Variants in DLG2 observed in about 807,000 individuals in gnomAD.
DLG2 encodes the protein discs large MAGUK scaffold protein 2, also known as disks large homolog 2.
A neutral mutation model predicts 132.5 loss-of-function variants in DLG2; 45 were observed. That is an observed-to-expected ratio of 0.34 (90% confidence interval 0.27 to 0.44). The LOEUF is 0.44. Among genes scored for constraint, DLG2 ranks in the 20% least tolerant of loss-of-function variants. The pLI is 1.00. For synonymous variants in DLG2, 424 were observed against 419.6 expected (o/e 1.01, Z -0.13); for missense variants, 1,045 against 1,196.9 (o/e 0.87, Z 1.87).
At chr11:84,266,674 C>A (rs2154361037) in intron 7 of DLG2, among the ~76,000 whole-genome samples, 1 of 152,262 alleles carries the variant, frequency 6.6e-6, no homozygotes, top group Middle Eastern at 3.4e-3. Flanking sequence ...CTGAACAAAT[C>A]CTATTTAGAG....
At chr11:85,024,005 A>C (rs1566672427) in intron 6 of DLG2, among the ~76,000 whole-genome samples, 1 of 152,112 alleles carries the variant, frequency 6.6e-6, no homozygotes, top group Admixed American at 6.6e-5. Context: ...AATTAAGATA[A>C]TCCGAGAATT....
intron 2 of DLG2, among the ~76,000 whole-genome samples, chr11:85,599,210 C>T (rs1230545358): frequency 1.3e-5 from 2 of 152,252 alleles, no homozygotes; most frequent in East Asian, 3.9e-4. Context: ...ACTCTCCAAA[C>T]ACACATACAG....
chr11:83,699,901 GTATGTATC>G (rs1237601170), intron 18 of DLG2, among the ~76,000 whole-genome samples: 2 of 148,412 alleles, frequency 1.3e-5, no homozygotes, highest in African/African-American at 2.5e-5. Context: ...ATGTATGTAT[GTATGTATC>G]TATCTTATCT....
chr11:83,798,895 C>G (rs1444945521), intron 17 of DLG2, among the ~76,000 whole-genome samples: 2 of 152,078 alleles, frequency 1.3e-5, no homozygotes, highest in African/African-American at 4.8e-5. Context: ...GTTCTGTTGC[C>G]AACTCTGCCA....
At chr11:85,455,946 T>A (rs73491968) in intron 3 of DLG2, among the ~76,000 whole-genome samples, 4,861 of 152,212 alleles carry the variant, frequency 0.032, 226 homozygotes, top group African/African-American at 0.11. Flanking sequence ...GATTTTTGCA[T>A]CTATTTTCAT....
At chr11:83,965,083 T>A (rs2089892911) in intron 13 of DLG2, among the ~76,000 whole-genome samples, 1 of 152,008 alleles carries the variant, frequency 6.6e-6, no homozygotes, top group African/African-American at 2.4e-5. Flanking sequence ...TTAATCACAC[T>A]GTCCTCAACA....
intron 7 of DLG2, among the ~76,000 whole-genome samples, chr11:84,330,875 A>C (rs1421923943): frequency 6.6e-6 from 1 of 152,208 alleles, no homozygotes; most frequent in African/African-American, 2.4e-5. Flanking sequence ...TGCCATCAAA[A>C]ACTGGGCAAA....
intron 15 of DLG2, among the ~76,000 whole-genome samples, chr11:83,891,918 AGAG>A (rs753658621): frequency 6.6e-5 from 10 of 152,300 alleles, no homozygotes; most frequent in Admixed American, 1.3e-4. Flanking sequence ...GTATAATGAA[AGAG>A]GAGATGTTTC....
chr11:84,534,818 A>G (rs761003222), intron 6 of DLG2, 87 bp from the exon 7 acceptor site: 20 of 1,450,948 alleles, frequency 1.4e-5, no homozygotes, highest in African/African-American at 2.8e-5. Context: ...AACTTCATCA[A>G]TAGGACACAG....
At chr11:85,326,317 T>C (rs894968559) in intron 3 of DLG2, among the ~76,000 whole-genome samples, 10 of 142,824 alleles carry the variant, frequency 7.0e-5, no homozygotes, top group African/African-American at 7.9e-5. Flanking sequence ...AGACACATAA[T>C]TGTCAGATTC....
At chr11:85,206,707 C>G (rs1037317638) in intron 4 of DLG2, among the ~76,000 whole-genome samples, 1 of 152,028 alleles carries the variant, frequency 6.6e-6, no homozygotes, top group Non-Finnish European at 1.5e-5. Context: ...GTGGTAGGCA[C>G]CTGTAATCCC....
At chr11:84,341,403 G>A (rs532027990) in intron 7 of DLG2, among the ~76,000 whole-genome samples, 2 of 152,172 alleles carry the variant, frequency 1.3e-5, no homozygotes, top group East Asian at 3.9e-4. Context: ...AAATAAATAG[G>A]CATGCCTATT....
chr11:84,454,625 G>A (rs2099060550), intron 7 of DLG2, among the ~76,000 whole-genome samples: 1 of 151,394 alleles, frequency 6.6e-6, no homozygotes, highest in African/African-American at 2.4e-5. Flanking sequence ...ATATTGTATT[G>A]TATTTATAAA....
At chr11:85,205,144 G>GTATATATATA (rs1425550552) in intron 4 of DLG2, among the ~76,000 whole-genome samples, 5 of 142,856 alleles carry the variant, frequency 3.5e-5, no homozygotes, top group South Asian at 2.2e-4. Flanking sequence ...ATATATGTGT[G>GTATATATATA]TGTATATATA....
At chr11:84,974,988 T>C (rs984212889) in intron 6 of DLG2, among the ~76,000 whole-genome samples, 2 of 152,248 alleles carry the variant, frequency 1.3e-5, no homozygotes, top group Admixed American at 6.5e-5. Flanking sequence ...TCAGATTTTA[T>C]ACAAGGACAT....
In DLG2 at chr11:84,532,802, G is replaced by C. The variant is rs138345816; in HGVS notation, c.519+1768C>G. Among the ~76,000 whole-genome samples, 451 of 152,222 alleles carry C rather than the reference G, an allele frequency of 3.0e-3. 4 individuals are homozygous for C. The highest frequency in any genetic ancestry group is 0.01 in the African/African-American group (423 of 41,536). On this transcript the variant is annotated intron_variant, in intron 7 of 27. Transcript: ENST00000376104. The stretch of plus-strand genomic sequence containing the variant: ...CGGGCCACTGTGCTTGATCTATGGA[G>C]GTTCTTATAGGGAGTTTTTCAACCA...
At chr11:83,765,211 T>G (rs1380720819) in intron 18 of DLG2, among the ~76,000 whole-genome samples, 1 of 152,226 alleles carries the variant, frequency 6.6e-6, no homozygotes, top group Non-Finnish European at 1.5e-5. Flanking sequence ...TTTATCAGTG[T>G]GTTAAAACAA....
intron 11 of DLG2, among the ~76,000 whole-genome samples, chr11:84,014,631 T>C (rs2095071228): frequency 2.0e-5 from 3 of 152,146 alleles, no homozygotes; most frequent in Admixed American, 2.0e-4. Flanking sequence ...GGCCAACTAT[T>C]ACTACAACTT....
chr11:85,247,939 T>C (rs2076217478), intron 4 of DLG2, among the ~76,000 whole-genome samples: 1 of 152,082 alleles, frequency 6.6e-6, no homozygotes. Context: ...CTTGACAACA[T>C]TCATCATTCT....
Sources: allele counts gnomAD v4.1 joint callset (sites outside exome capture counted in the v4.1 genomes callset), GRCh38; gene constraint gnomAD v4.1.1; transcripts MANE v1.5; gene names NCBI Gene and HGNC (gene_info 2026-07-23, HGNC 2026-07-21).